The following KIRREL3 variants were observed in gnomAD, a reference collection of about 807,000 sequenced individuals.
The protein encoded by KIRREL3 is kin of IRRE-like protein 3.
Under a neutral mutation model 89.7 loss-of-function variants are expected in KIRREL3, and 36 were observed. The observed-to-expected ratio is 0.40, with a 90% CI of 0.31 to 0.53. The LOEUF (loss-of-function observed/expected upper bound fraction) is 0.53. KIRREL3 is among the 20% of genes least tolerant of loss of function. The pLI is 0.49. For synonymous variants in KIRREL3, 445 were observed against 441.4 expected (o/e 1.01, Z -0.10); for missense variants, 864 against 1,056.6 (o/e 0.82, Z 2.53).
At chr11:126,442,251 A>G (rs1273081832) in intron 10 of KIRREL3, among the ~76,000 whole-genome samples, 1 of 126,590 alleles carries the variant, frequency 7.9e-6, no homozygotes, top group African/African-American at 3.0e-5. Context: ...ACAGAGCGAG[A>G]CTCCAGCTCA....
chr11:126,756,562 C>A lies in KIRREL3; in HGVS notation c.56-193650G>T, dbSNP rs781197564. On this transcript the variant is annotated intron_variant, in intron 1 of 16. Coordinates refer to ENST00000525144, the MANE Select transcript of KIRREL3 (RefSeq NM_032531.4). ...ATTGTTGGTCTAGGCCCCTGGAATG[C>A]CAGTGGCGCTATCTCACATCCCTGG... 3.3e-5 allele frequency among the ~76,000 whole-genome samples: 5 copies of A among 152,224 alleles called. 1 individual carries two copies. The South Asian group carries it at 1.0e-3, about 32-fold the overall frequency.
chr11:126,596,929 T>G (rs914917410), intron 1 of KIRREL3, among the ~76,000 whole-genome samples: 2 of 152,134 alleles, frequency 1.3e-5, no homozygotes, highest in Admixed American at 6.6e-5. Context: ...ATCTACCAGT[T>G]TCTAGAATCT....
intron 1 of KIRREL3, among the ~76,000 whole-genome samples, chr11:126,648,897 T>C (rs1465653081): frequency 6.6e-6 from 1 of 152,300 alleles, no homozygotes; most frequent in Middle Eastern, 3.4e-3. Flanking sequence ...GTGTGTCATG[T>C]TGGAAAATGT....
rs1425933183 is a variant in KIRREL3, at chr11:126,683,301, T to G, written c.56-120389A>C. Among the ~76,000 whole-genome samples the G allele has an allele frequency of 1.3e-5, 2 of 152,056 alleles. No individual in the cohort carries two copies. Among genetic ancestry groups the G allele is most frequent in the African/African-American group, 2.4e-5 (1 of 41,370 alleles). ...ATGAACCAAATCTGGAAAGTAGAGT[T>G]GGGGTTGTGAAATATTAGAACGTGT... On this transcript the variant is annotated intron_variant, in intron 1 of 16. Coordinates refer to ENST00000525144, the MANE Select transcript of KIRREL3 (RefSeq NM_032531.4). The surrounding 1 kb of genome is among the most constrained non-coding windows in gnomAD (Gnocchi z 5.2).
chr11:126,818,145 G>A (rs1951643478), intron 1 of KIRREL3, among the ~76,000 whole-genome samples: 1 of 152,238 alleles, frequency 6.6e-6, no homozygotes, highest in Admixed American at 6.5e-5. Flanking sequence ...GTGAGTCTAA[G>A]TGTCTAGGGC....
intron 1 of KIRREL3, among the ~76,000 whole-genome samples, chr11:126,975,475 C>A (rs1949539630): frequency 6.6e-6 from 1 of 152,178 alleles, no homozygotes; most frequent in Non-Finnish European, 1.5e-5. Flanking sequence ...ATATTCACAA[C>A]CAGGGGTACA....
rs377160772 is a variant in KIRREL3, at chr11:126,743,950, T to C, written c.56-181038A>G. Among the ~76,000 whole-genome samples, 156 of 152,314 alleles carry C rather than the reference T, an allele frequency of 1.0e-3. 1 individual carries two copies. The South Asian group carries it at 0.03, about 30-fold the overall frequency. On this transcript the variant is annotated intron_variant, in intron 1 of 16. Transcript: ENST00000525144. ...ACGTTTCTCAGAAGAAATTTAGTGA[T>C]GGGGAGACTACTATATTTCTGCTTG...
intron 1 of KIRREL3, among the ~76,000 whole-genome samples, chr11:126,789,617 C>T (rs1241276810): frequency 1.3e-5 from 2 of 152,220 alleles, no homozygotes; most frequent in Non-Finnish European, 2.9e-5. Flanking sequence ...GCCAGTCTCT[C>T]AAACTGCCAA....
At chr11:126,759,889 TGAA>T (rs1355030548) in intron 1 of KIRREL3, among the ~76,000 whole-genome samples, 1 of 152,152 alleles carries the variant, frequency 6.6e-6, no homozygotes, top group East Asian at 1.9e-4. Flanking sequence ...AGGGCCAAGA[TGAA>T]GAAGTCGCAG....
intron 1 of KIRREL3, among the ~76,000 whole-genome samples, chr11:126,911,525 C>T (rs1946813550): frequency 6.6e-6 from 1 of 152,130 alleles, no homozygotes; most frequent in Admixed American, 6.5e-5. Context: ...GGCAGGAAAG[C>T]TCAGCCCAGA....
chr11:126,463,410 C>A lies in KIRREL3; in HGVS notation c.592-103G>T, dbSNP rs554319958. ...GCACCAGCTTAGACAGAAGGGGGAG[C>A]TGTGGATGGAGGGGTTCAGCTTAGG... On this transcript the variant is annotated intron_variant, in intron 5 of 16. Transcript: ENST00000525144. This position sits in a 1 kb window ranked among gnomAD's most constrained non-coding sequence, Gnocchi z 5.9. 1.9e-5 allele frequency: 23 copies of A among 1,202,650 alleles called. No homozygotes were observed. The South Asian group carries it at 3.3e-4, about 17-fold the overall frequency. The allele number at this position is 1,202,650 out of a possible 1,614,324, so 74.5% of individuals were successfully genotyped here.
rs955887428 is a variant in KIRREL3 at position 126,867,662 on chromosome 11, G to C, written c.55+132793C>G. On this transcript the variant is annotated intron_variant, in intron 1 of 16. Coordinates refer to ENST00000525144, the MANE Select transcript of KIRREL3 (RefSeq NM_032531.4). This position sits in a 1 kb window ranked among gnomAD's most constrained non-coding sequence, Gnocchi z 4.7. The stretch of plus-strand genomic sequence containing the variant: ...TCAGGATGTGCTGGTAATATTTCCA[G>C]GTGAAAGAAATGAAGGCACAGCCTC... Among the ~76,000 whole-genome samples the C allele has an allele frequency of 3.3e-5, 5 of 152,172 alleles. No individual in the cohort carries two copies. Among genetic ancestry groups the C allele is most frequent in the Non-Finnish European group, 5.9e-5 (4 of 68,032 alleles).
chr11:126,604,776 A>C (rs1374453911), intron 1 of KIRREL3, among the ~76,000 whole-genome samples: 1 of 152,204 alleles, frequency 6.6e-6, no homozygotes, highest in Non-Finnish European at 1.5e-5. Context: ...GGAACACAAT[A>C]AAAGAGGAGG....
chr11:126,688,247 C>T (rs1418888711), intron 1 of KIRREL3, among the ~76,000 whole-genome samples: 2 of 152,230 alleles, frequency 1.3e-5, no homozygotes, highest in Non-Finnish European at 2.9e-5. Context: ...TGAGTGCATT[C>T]AATCACCTTC....
intron 1 of KIRREL3, among the ~76,000 whole-genome samples, chr11:126,833,700 G>T (rs1329361124): frequency 6.6e-6 from 1 of 152,236 alleles, no homozygotes; most frequent in African/African-American, 2.4e-5. Flanking sequence ...CAGGTAGGCA[G>T]ACAGGCTGCA....
rs949266245 is a variant in KIRREL3 at position 126,953,663 on chromosome 11, G to T, written c.55+46792C>A. ...CCAAGTACGATGACAAGATAAAAAG[G>T]CTGATTGCTGACAGAAAATAATCAA... On this transcript the variant is annotated intron_variant, in intron 1 of 16. Transcript: ENST00000525144. This position sits in a 1 kb window ranked among gnomAD's most constrained non-coding sequence, Gnocchi z 5.2. 1.2e-4 allele frequency among the ~76,000 whole-genome samples: 19 copies of T among 152,084 alleles called. No individual in the cohort carries two copies. The highest frequency in any genetic ancestry group is 4.3e-4 in the African/African-American group (18 of 41,496).
rs565563550 is a variant in KIRREL3, at chr11:126,716,529, A to G, written c.56-153617T>C. On this transcript the variant is annotated intron_variant, in intron 1 of 16. Transcript: ENST00000525144. ...TCAGCCACATCCCAGGGAAACAGGA[A>G]GGGACTGACTTTTATGGATCTCTAG... Among the ~76,000 whole-genome samples the G allele has an allele frequency of 3.9e-5, 6 of 152,212 alleles. No individual in the cohort carries two copies. In the South Asian group the frequency reaches 1.2e-3, roughly 32 times the overall value.
rs538954560 is a variant in KIRREL3 at position 126,620,130 on chromosome 11, A to G, written c.56-57218T>C. Among the ~76,000 whole-genome samples the G allele has an allele frequency of 6.6e-6, 1 of 152,338 alleles. No homozygotes were observed. Among genetic ancestry groups the G allele is most frequent in the East Asian group, 1.9e-4 (1 of 5,184 alleles). ...GTGGGCAATCGAATCTGGTGGTCTT[A>G]TAACACTTGACCAAAAACCAAACAA... On this transcript the variant is annotated intron_variant, in intron 1 of 16. Transcript: ENST00000525144. This position sits in a 1 kb window ranked among gnomAD's most constrained non-coding sequence, Gnocchi z 4.8.
chr11:126,844,357 C>A lies in KIRREL3; in HGVS notation c.55+156098G>T, dbSNP rs181300880. On this transcript the variant is annotated intron_variant, in intron 1 of 16. Transcript: ENST00000525144. The surrounding 1 kb of genome is among the most constrained non-coding windows in gnomAD (Gnocchi z 4.8). ...AGGAAACCCCAGACCCAAAGGCTAA[C>A]CTTGGGTAAGCAGTGTGGTGTGGTA... Among the ~76,000 whole-genome samples the A allele has an allele frequency of 6.6e-6, 1 of 152,148 alleles. No homozygotes were observed. The highest frequency in any genetic ancestry group is 6.5e-5 in the Admixed American group (1 of 15,280).
Sources: gnomAD v4.1 joint callset for allele counts (sites outside exome capture counted in the v4.1 genomes callset) on GRCh38, gnomAD v4.1.1 for gene constraint, Gnocchi (gnomAD v3.1) non-coding constraint, MANE v1.5 for transcripts, NCBI Gene and HGNC (gene_info 2026-07-23, HGNC 2026-07-21) for gene names.